The following FANCD2 variants were observed in gnomAD, a reference collection of about 807,000 sequenced individuals.
The protein encoded by FANCD2 is Fanconi anemia group D2 protein.
Under a neutral mutation model 192.3 loss-of-function variants are expected in FANCD2, and 131 were observed. The observed-to-expected ratio is 0.68, with a 90% CI of 0.59 to 0.79. The LOEUF (loss-of-function observed/expected upper bound fraction) is 0.79, where lower values mean the gene tolerates loss of function less well. Ranked by LOEUF, FANCD2 falls within the 30% of genes least tolerant of loss-of-function variation. The pLI, the probability that FANCD2 is intolerant of heterozygous loss-of-function variation, is 0.00. For synonymous variants in FANCD2, 524 were observed against 612.5 expected, an observed-to-expected ratio of 0.86 and a Z score of 2.13; for missense variants, 1,508 against 1,701.6, an observed-to-expected ratio of 0.89 and a Z score of 2.00.
chr3:10,080,956 C>G (rs189134008), intron 30 of FANCD2, 144 bp from the exon 31 acceptor site: 2 of 858,968 alleles, frequency 2.3e-6, no homozygotes, highest in African/African-American at 3.3e-5. Context: ...ATCCCTCTGT[C>G]AGAATACAGT....
chr3:10,054,397 G>GTATATACATATATATATA lies in FANCD2; in HGVS notation c.1656+1905_1656+1906insACATATATATATATATAT, dbSNP rs1476712513. On this transcript the variant is annotated intron_variant, in intron 18 of 43. Transcript: ENST00000675286. ...TATATACATATATATATGTATATAC[G>GTATATACATATATATATA]TATATGTATATACGTATATACATAT... Among the ~76,000 whole-genome samples, 7 of 79,238 alleles carry GTATATACATATATATATA rather than the reference G, an allele frequency of 8.8e-5. 1 individual carries two copies. The highest frequency in any genetic ancestry group is 4.9e-4 in the African/African-American group (7 of 14,234). The allele number at this position is 79,238 out of a possible 152,430, so 52.0% of individuals were successfully genotyped here.
rs397948524 is a variant in FANCD2, at chr3:10,045,101, T to TTTTTTTTTTTTTTTTC, written c.1134+1237_1134+1238insTTTTTTTTTTTTTTTC. On this transcript the variant is annotated intron_variant, in intron 14 of 43. Coordinates refer to ENST00000675286, the MANE Select transcript of FANCD2 (RefSeq NM_001018115.3). Reference sequence around the variant, plus strand: ...GCCTTTTTAACTGTTTTTTTTTTTTTCCTGGAAGCATAGACTCAGGTTGCC... The same window carrying TTTTTTTTTTTTTTTTC: ...GCCTTTTTAACTGTTTTTTTTTTTTTTTTTTTTTTTTTTTTCCCTGGAAGCATAGACTCAGGTTGCC... Among the ~76,000 whole-genome samples, 108 of 149,114 alleles carry TTTTTTTTTTTTTTTTC rather than the reference T, an allele frequency of 7.2e-4. 2 individuals carry two copies. The highest frequency in any genetic ancestry group is 2.6e-3 in the African/African-American group (101 of 38,802).
intron 32 of FANCD2, among the ~76,000 whole-genome samples, chr3:10,084,747 G>A (rs1022635599): frequency 6.6e-6 from 1 of 152,218 alleles, no homozygotes; most frequent in African/African-American, 2.4e-5. Flanking sequence ...TCAGGAAGAT[G>A]CTTCTAGAGG....
At chr3:10,056,457 A>T (rs150219250) in intron 18 of FANCD2, among the ~76,000 whole-genome samples, 5 of 152,268 alleles carry the variant, frequency 3.3e-5, no homozygotes, top group African/African-American at 1.2e-4. Context: ...GTAGGTTCCA[A>T]TTTCTCCATA....
intron 26 of FANCD2, among the ~76,000 whole-genome samples, chr3:10,070,591 AG>A (rs1693172492): frequency 6.9e-6 from 1 of 144,350 alleles, no homozygotes; most frequent in African/African-American, 2.6e-5. Flanking sequence ...GGAAGTGAGG[AG>A]CCCCTCTGCC....
At position 10,074,521 on chromosome 3, in the gene FANCD2, T is replaced by A. The variant is rs760325562; in HGVS notation, c.2716-9T>A. 6.2e-7 allele frequency: 1 copy of A among 1,611,748 alleles called. No homozygotes were observed. The highest frequency in any genetic ancestry group is 8.5e-7 in the Non-Finnish European group (1 of 1,178,674). ...ATATATTCTCTTTGTTGCTGTGACT[T>A]CCCCATAGGAGTTCACAGGGAAGGA... On this transcript the variant is annotated splice_polypyrimidine_tract_variant and intron_variant, in intron 28 of 43. Transcript: ENST00000675286.
At chr3:10,071,221 A>T (rs970886273) in intron 26 of FANCD2, among the ~76,000 whole-genome samples, 2 of 152,152 alleles carry the variant, frequency 1.3e-5, no homozygotes, top group African/African-American at 4.8e-5. Flanking sequence ...GAGAAAAGAG[A>T]ACCTTTGTAC....
intron 29 of FANCD2, 52 bp from the exon 30 acceptor site, chr3:10,078,029 T>C: frequency 1.6e-6 from 2 of 1,254,986 alleles, no homozygotes; most frequent in South Asian, 2.4e-5. Context: ...AAAAAAATTA[T>C]CATGAAATGA....
intron 17 of FANCD2, among the ~76,000 whole-genome samples, chr3:10,051,171 G>A (rs1302710193): frequency 6.6e-6 from 1 of 150,964 alleles, no homozygotes; most frequent in Non-Finnish European, 1.5e-5. Flanking sequence ...ACGAGGTCAG[G>A]AGATCGAGAC....
At chr3:10,085,019 G>A (rs980534914) in intron 32 of FANCD2, among the ~76,000 whole-genome samples, 1 of 152,192 alleles carries the variant, frequency 6.6e-6, no homozygotes, top group Non-Finnish European at 1.5e-5. Flanking sequence ...TGGAAAGGAA[G>A]GGACAATATG....
chr3:10,080,565 G>A (rs959998740), intron 30 of FANCD2, among the ~76,000 whole-genome samples: 5 of 152,228 alleles, frequency 3.3e-5, no homozygotes, highest in Non-Finnish European at 5.9e-5. Context: ...GAGCTCAGGA[G>A]TTTGAGACCA....
At chr3:10,072,377 C>G (rs2125047276) in intron 26 of FANCD2, among the ~76,000 whole-genome samples, 1 of 150,718 alleles carries the variant, frequency 6.6e-6, no homozygotes, top group South Asian at 2.1e-4. Context: ...CTCCTGGGTT[C>G]AAGCAATTCT....
At position 10,088,294 on chromosome 3, in the gene FANCD2, G is replaced by A. The variant is rs17032365; in HGVS notation, c.3467-155G>A. 0.015 allele frequency among the ~76,000 whole-genome samples: 2,244 copies of A among 152,314 alleles called. 52 individuals carry two copies. Among genetic ancestry groups the A allele is most frequent in the African/African-American group, 0.05 (2,071 of 41,562 alleles). On this transcript the variant is annotated intron_variant, in intron 34 of 43. Transcript: ENST00000675286. ...GCAAAAGGGCCAGTGGATCAGGAAC[G>A]TGACAGCTTTTTGTAAGTTGCCTGT...
At chr3:10,077,220 G>A (rs1215542260) in intron 29 of FANCD2, among the ~76,000 whole-genome samples, 2 of 151,828 alleles carry the variant, frequency 1.3e-5, no homozygotes, top group African/African-American at 2.4e-5. Flanking sequence ...GCAACAGAGC[G>A]AGACCCTGTC....
chr3:10,087,862 T>C (rs1197973792), intron 34 of FANCD2, among the ~76,000 whole-genome samples: 1 of 152,098 alleles, frequency 6.6e-6, no homozygotes, highest in East Asian at 1.9e-4. Flanking sequence ...TTGGTCAGGC[T>C]GGTCTCGAAC....
intron 41 of FANCD2, 123 bp downstream of exon 41, chr3:10,095,397 A>T: frequency 3.7e-6 from 3 of 816,600 alleles, no homozygotes; most frequent in Non-Finnish European, 6.3e-6. Flanking sequence ...GTCCAAAGGC[A>T]GTTTATTCAG....
intron 26 of FANCD2, among the ~76,000 whole-genome samples, chr3:10,070,304 G>A (rs1394630794): frequency 6.7e-6 from 1 of 150,070 alleles, no homozygotes; most frequent in African/African-American, 2.5e-5. Context: ...GTCTCCGCCC[G>A]GCAGCCACCC....
At chr3:10,038,566 C>T (rs2086786342) in intron 7 of FANCD2, among the ~76,000 whole-genome samples, 1 of 148,786 alleles carries the variant, frequency 6.7e-6, no homozygotes, top group African/African-American at 2.5e-5. Context: ...GTTCCCTTAG[C>T]AATATATGCT....
chr3:10,085,158 A>G (rs1268948798), intron 32 of FANCD2, among the ~76,000 whole-genome samples: 3 of 152,218 alleles, frequency 2.0e-5, no homozygotes, highest in Non-Finnish European at 4.4e-5. Context: ...GAAGAAGACT[A>G]CATATCTCTA....
Sources: gnomAD v4.1 joint callset for allele counts (sites outside exome capture counted in the v4.1 genomes callset) on GRCh38, gnomAD v4.1.1 for gene constraint, MANE v1.5 for transcripts, NCBI Gene and HGNC (gene_info 2026-07-23, HGNC 2026-07-21) for gene names.